The following SLC30A9 variants were observed in gnomAD, a reference collection of about 807,000 sequenced individuals.
The protein encoded by SLC30A9 is proton-coupled zinc antiporter SLC30A9, mitochondrial.
SLC30A9 carries 58 observed loss-of-function variants against 87.5 expected under a neutral mutation model. The observed-to-expected ratio is 0.66, with a 90% CI of 0.54 to 0.82. The LOEUF (loss-of-function observed/expected upper bound fraction) is 0.82, where lower values mean the gene tolerates loss of function less well. Among genes scored for constraint, SLC30A9 ranks in the 40% least tolerant of loss-of-function variants. SLC30A9 has a pLI of 0.00. For synonymous variants in SLC30A9, 234 were observed against 233.0 expected (o/e 1.00, Z -0.04); for missense variants, 557 against 679.1 (o/e 0.82, Z 2.00).
Position 42,052,081 on chromosome 4 carries a change from A to T in SLC30A9, c.840+2602A>T, listed in dbSNP as rs562926227. On this transcript the variant is annotated intron_variant, in intron 9 of 17. Transcript: ENST00000264451. ...GGTTTAACATTCAAAATCAGTAAGT[A>T]TAGAAGGTTAATATGAAGAAATTAA... Among the ~76,000 whole-genome samples the T allele has an allele frequency of 3.3e-5, 5 of 151,998 alleles. No homozygotes were observed. The South Asian group carries it at 8.3e-4, about 25-fold the overall frequency.
rs544966529 is a variant in SLC30A9 at position 42,081,026 on chromosome 4, A to C, written c.1662+2701A>C. ...GCTTGCATTTTATCATTAGCAACAA[A>C]TACTGTTGTTTTCCTTGAAATAAGA... On this transcript the variant is annotated intron_variant, in intron 17 of 17. Coordinates refer to ENST00000264451, the MANE Select transcript of SLC30A9 (RefSeq NM_006345.4). Among the ~76,000 whole-genome samples the C allele has an allele frequency of 1.6e-4, 25 of 152,316 alleles. No individual in the cohort carries two copies. In the East Asian group the frequency reaches 4.8e-3, roughly 29 times the overall value.
intron 13 of SLC30A9, 76 bp from the exon 14 acceptor site, chr4:42,067,009 T>G (rs1167030842): frequency 7.3e-6 from 6 of 818,402 alleles, no homozygotes; most frequent in Admixed American, 6.0e-5. Context: ...AAATGGATAC[T>G]TATTAAAATG....
At chr4:42,064,044 A>G (rs1389343002) in intron 11 of SLC30A9, among the ~76,000 whole-genome samples, 1 of 150,290 alleles carries the variant, frequency 6.7e-6, no homozygotes, top group Non-Finnish European at 1.5e-5. Flanking sequence ...AGCCAATATC[A>G]GTTAGTAGGC....
intron 6 of SLC30A9, among the ~76,000 whole-genome samples, chr4:42,023,895 C>G (rs1220658689): frequency 6.6e-6 from 1 of 152,080 alleles, no homozygotes; most frequent in South Asian, 2.1e-4. Context: ...GTAGGAGGAA[C>G]TGTCAAACAC....
At chr4:42,071,406 G>T (rs145881649) in intron 15 of SLC30A9, among the ~76,000 whole-genome samples, 4 of 151,936 alleles carry the variant, frequency 2.6e-5, no homozygotes, top group African/African-American at 9.7e-5. Flanking sequence ...AAAATGACCC[G>T]TATATCTGAA....
In SLC30A9 at chr4:42,020,681, G is replaced by A. The variant is rs1432052089; in HGVS notation, c.434+166G>A. 1.4e-5 allele frequency: 7 copies of A among 484,506 alleles called. No individual in the cohort carries two copies. In the East Asian group the frequency reaches 2.1e-4, roughly 15 times the overall value. 30.0% of individuals were successfully genotyped at this position (484,506 alleles called of 1,614,324 possible). A position where few individuals can be genotyped will look rare whatever the true frequency, so the allele number is the denominator to read the frequency against. On this transcript the variant is annotated intron_variant, in intron 4 of 17. Transcript: ENST00000264451. Reference sequence around the variant, plus strand: ...CAGTCAAAAATGTTAAAAATTGTTAGCAAACTAAACTGAATCCTGCCCCAG... The same window carrying A: ...CAGTCAAAAATGTTAAAAATTGTTAACAAACTAAACTGAATCCTGCCCCAG...
At chr4:42,057,253 CCCA>C (rs1044010457) in intron 9 of SLC30A9, among the ~76,000 whole-genome samples, 5 of 152,180 alleles carry the variant, frequency 3.3e-5, no homozygotes, top group African/African-American at 1.2e-4. Context: ...GGGCTCCCAC[CCCA>C]CATTTCCCTT....
chr4:42,044,274 A>ACC (rs1439968687), intron 8 of SLC30A9, among the ~76,000 whole-genome samples: 4 of 152,038 alleles, frequency 2.6e-5, no homozygotes, highest in African/African-American at 9.7e-5. Context: ...CAAATTGGAT[A>ACC]AAGAGTCAAG....
Position 42,082,127 on chromosome 4 carries a change from G to A in SLC30A9, c.1662+3802G>A, listed in dbSNP as rs555183017. ...AGCTACTCCGGAGGCTGAGGCAGGA[G>A]AATGGCATGAACCCAGGAGGCAGAG... is the stretch of plus-strand genomic sequence containing the variant. On this transcript the variant is annotated intron_variant, in intron 17 of 17. Coordinates refer to ENST00000264451, the MANE Select transcript of SLC30A9 (RefSeq NM_006345.4). Among the ~76,000 whole-genome samples, 359 of 151,978 alleles carry A rather than the reference G, an allele frequency of 2.4e-3. 3 individuals carry two copies. Among genetic ancestry groups the A allele is most frequent in the Admixed American group, 4.8e-3 (73 of 15,280 alleles).
At chr4:41,996,831 C>T (rs927984002) in intron 1 of SLC30A9, among the ~76,000 whole-genome samples, 2 of 152,004 alleles carry the variant, frequency 1.3e-5, no homozygotes, top group African/African-American at 4.8e-5. Context: ...GTTAGGAGTT[C>T]AAGACCAGTC....
At chr4:42,015,610 A>G (rs371828045) in intron 2 of SLC30A9, among the ~76,000 whole-genome samples, 4 of 152,064 alleles carry the variant, frequency 2.6e-5, no homozygotes, top group African/African-American at 9.7e-5. Flanking sequence ...TGCTTTTGGG[A>G]TTATCCTGTT....
At chr4:42,062,813 C>T (rs1017785220) in intron 10 of SLC30A9, among the ~76,000 whole-genome samples, 173 bp from the exon 11 acceptor site, 1 of 152,130 alleles carries the variant, frequency 6.6e-6, no homozygotes, top group Non-Finnish European at 1.5e-5. Flanking sequence ...AAAATTCTTA[C>T]AGTTTTTTCC....
intron 4 of SLC30A9, among the ~76,000 whole-genome samples, chr4:42,022,216 T>C (rs886631271): frequency 4.6e-5 from 7 of 150,894 alleles, no homozygotes; most frequent in Non-Finnish European, 1.0e-4. Context: ...ATTACAGGTG[T>C]GAGCTACCGC....
At chr4:42,013,462 A>G (rs1225681662) in intron 2 of SLC30A9, among the ~76,000 whole-genome samples, 1 of 152,196 alleles carries the variant, frequency 6.6e-6, no homozygotes, top group African/African-American at 2.4e-5. Flanking sequence ...AAATTATACT[A>G]CAGGGCTTTA....
chr4:42,053,695 C>CAAAAAAAAAAAAA (rs56190460), intron 9 of SLC30A9, among the ~76,000 whole-genome samples: 6 of 55,924 alleles, frequency 1.1e-4, no homozygotes, highest in African/African-American at 4.7e-4. Flanking sequence ...ACTCGGTCTC[C>CAAAAAAAAAAAAA]AAAAAAAAAA....
intron 9 of SLC30A9, 59 bp downstream of exon 9, chr4:42,049,538 C>T: frequency 6.7e-6 from 6 of 893,416 alleles, no homozygotes; most frequent in Non-Finnish European, 1.0e-5. Flanking sequence ...AGGCTTTAAT[C>T]TAAAAGTTGA....
chr4:42,020,780 A>G (rs1218659260), intron 4 of SLC30A9: 1 of 295,148 alleles, frequency 3.4e-6, no homozygotes, highest in East Asian at 6.8e-5. Flanking sequence ...CCATCACACA[A>G]GAATCTTAGG....
chr4:42,056,852 C>CAATGT (rs1717637713), intron 9 of SLC30A9, among the ~76,000 whole-genome samples: 1 of 152,108 alleles, frequency 6.6e-6, no homozygotes, highest in Admixed American at 6.5e-5. Flanking sequence ...TGGGTAAATA[C>CAATGT]CATGTCTCCA....
In SLC30A9 at chr4:42,021,887, A is replaced by G. The variant is rs182984956; in HGVS notation, c.435-951A>G. On this transcript the variant is annotated intron_variant, in intron 4 of 17. Coordinates refer to ENST00000264451, the MANE Select transcript of SLC30A9 (RefSeq NM_006345.4). The stretch of plus-strand genomic sequence containing the variant: ...CACCTCAGCCTCCTGAGTAACTGGG[A>G]CTATGGCTGTGCGCCACCACGCCTG... 7.3e-3 allele frequency among the ~76,000 whole-genome samples: 1,091 copies of G among 148,688 alleles called. 35 individuals are homozygous for G. Among genetic ancestry groups the G allele is most frequent in the African/African-American group, 0.027 (1,057 of 39,164 alleles).
Sources: allele counts gnomAD v4.1 joint callset (sites outside exome capture counted in the v4.1 genomes callset), GRCh38; gene constraint gnomAD v4.1.1; transcripts MANE v1.5; gene names NCBI Gene and HGNC (gene_info 2026-07-23, HGNC 2026-07-21).